UBAP2L: variants seen among roughly 807,000 people sequenced by gnomAD.
The protein encoded by UBAP2L is ubiquitin-associated protein 2-like.
A neutral mutation model predicts 130.6 loss-of-function variants in UBAP2L; 12 were observed. The observed-to-expected ratio is 0.09, with a 90% CI of 0.06 to 0.15. The LOEUF (loss-of-function observed/expected upper bound fraction) is 0.15. Among genes scored for constraint, UBAP2L ranks in the 10% least tolerant of loss-of-function variants. The pLI, the probability that UBAP2L is intolerant of heterozygous loss-of-function variation, is 1.00. For missense variants in UBAP2L, 965 were observed against 1,332.5 expected, an observed-to-expected ratio of 0.72 and a Z score of 4.29; for synonymous variants, 503 against 524.7, an observed-to-expected ratio of 0.96 and a Z score of 0.57.
chr1:154,227,548 G>GTTTTTTT (rs140500910), intron 3 of UBAP2L, among the ~76,000 whole-genome samples, 189 bp downstream of exon 3: 2 of 149,654 alleles, frequency 1.3e-5, no homozygotes, highest in African/African-American at 2.4e-5. Context: ...CCTTTGTTTT[G>GTTTTTTT]TTTTTTGTTT....
chr1:154,234,730 G>T lies in UBAP2L; in HGVS notation c.419G>T (p.Arg140Leu). 1.2e-6 allele frequency: 2 copies of T among 1,608,512 alleles called. No individual in the cohort carries two copies. Among genetic ancestry groups the T allele is most frequent in the Non-Finnish European group, 1.7e-6 (2 of 1,177,188 alleles). Residue 140 changes from arginine to leucine, a missense_variant, in exon 5 of 27, where the codon CGG becomes CTG. By Grantham distance (102) the Arg-to-Leu change is moderately radical (BLOSUM62 -2). Transcript: ENST00000428931. ...YSRRRGGPPRRGRGASRGREF... is the reference protein window; with the variant it reads ...YSRRRGGPPRLGRGASRGREF... ...CGGCGACGTGGTGGGCCACCAAGAC[G>T]GGGGAGAGGTGCCAGCCGTGGACGA...
chr1:154,257,686 G>A, intron 20 of UBAP2L: 1 of 459,480 alleles, frequency 2.2e-6, no homozygotes, highest in Non-Finnish European at 3.9e-6. Context: ...AGGGTCAACT[G>A]TAATTAAAAT....
In UBAP2L at chr1:154,249,247, G is replaced by A. The variant is rs1481068516; in HGVS notation, c.1023G>A (p.Met341Ile). The A allele has an allele frequency of 3.7e-6, 6 of 1,614,138 alleles. No homozygotes were observed. The highest frequency in any genetic ancestry group is 1.7e-5 in the Admixed American group (1 of 60,018). ...TCTTTGTTGATCTACAGGTGAGCAT[G>A]TTAGGGAAAGGATTTGGTGATGTCG... ...NTFSHHSMVS[M>I]LGKGFGDVGE... The change falls in exon 12 of 27, where the codon ATG becomes ATA. Residue 341 changes from methionine to isoleucine, a missense_variant. Met to Ile is a conservative substitution (Grantham distance 10). This residue lies in a region of UBAP2L where 99 missense variants were observed against 106.4 expected (regional missense o/e 0.93). Coordinates refer to ENST00000428931, the MANE Select transcript of UBAP2L (RefSeq NM_014847.4).
At chr1:154,242,458 A>G (rs1673886803) in intron 9 of UBAP2L, among the ~76,000 whole-genome samples, 1 of 152,182 alleles carries the variant, frequency 6.6e-6, no homozygotes, top group Admixed American at 6.5e-5. Context: ...AAATGGGCAA[A>G]TTATGTTCCT....
At chr1:154,220,377 CCCCGGAG>C, upstream of UBAP2L, 1 of 1,614,230 alleles carries the variant, frequency 6.2e-7, no homozygotes, top group South Asian at 1.1e-5. Flanking sequence ...ACGACATTCA[CCCCGGAG>C]AGCCAGTTAC....
Position 154,249,272 on chromosome 1 carries a change from G to A in UBAP2L, c.1048G>A (p.Gly350Ser), listed in dbSNP as rs200980910. 34 of 1,614,086 alleles carry A rather than the reference G, an allele frequency of 2.1e-5. No individual in the cohort carries two copies. Among genetic ancestry groups the A allele is most frequent in the Admixed American group, 6.7e-5 (4 of 60,000 alleles). Residue 350 changes from glycine (G) to serine (S), a missense_variant, in exon 12 of 27, where the codon GGT becomes AGT. Transcript: ENST00000428931. Reference sequence around the variant, plus strand: ...GTTAGGGAAAGGATTTGGTGATGTCGGTGAAGCTAAAGGCGGCAGTACTAC... The same window carrying A: ...GTTAGGGAAAGGATTTGGTGATGTCAGTGAAGCTAAAGGCGGCAGTACTAC... ...SMLGKGFGDV[G>S]EAKGGSTTGS...
At chr1:154,234,349 C>G (rs375031616) in intron 4 of UBAP2L, among the ~76,000 whole-genome samples, 1 of 151,200 alleles carries the variant, frequency 6.6e-6, no homozygotes, top group African/African-American at 2.4e-5. Context: ...GGCAACAGAG[C>G]GAGACTCTGT....
At chr1:154,267,130 T>G (rs1213980228) in intron 25 of UBAP2L, among the ~76,000 whole-genome samples, 1 of 152,018 alleles carries the variant, frequency 6.6e-6, no homozygotes, top group Admixed American at 6.6e-5. Flanking sequence ...ATGTGTTTAT[T>G]TCTTTTGAAA....
At chr1:154,226,656 G>A (rs1161810841) in intron 2 of UBAP2L, among the ~76,000 whole-genome samples, 1 of 152,180 alleles carries the variant, frequency 6.6e-6, no homozygotes, top group African/African-American at 2.4e-5. Flanking sequence ...ACAGAAATAA[G>A]AATAGAGTTT....
chr1:154,257,824 A>G, intron 20 of UBAP2L: 1 of 234,664 alleles, frequency 4.3e-6, no homozygotes, highest in South Asian at 6.1e-5. Flanking sequence ...GCACACATGT[A>G]TGCATGTGTG....
intron 24 of UBAP2L, chr1:154,263,030 C>G: frequency 6.9e-7 from 1 of 1,440,312 alleles, no homozygotes; most frequent in South Asian, 1.3e-5. Flanking sequence ...CCCTTGAGAA[C>G]CCCCAGTTCC....
chr1:154,252,923 A>G (rs777015053), intron 14 of UBAP2L, among the ~76,000 whole-genome samples: 7 of 152,212 alleles, frequency 4.6e-5, no homozygotes, highest in Non-Finnish European at 7.3e-5. Flanking sequence ...TGTGAACAAA[A>G]GATGGCTTTT....
rs370017648 is a variant in UBAP2L at position 154,270,770 on chromosome 1, G to GT, written c.*491dup. The GT allele has an allele frequency of 0.062, 54,522 of 876,884 alleles. 94 individuals carry two copies. Among genetic ancestry groups the GT allele is most frequent in the South Asian group, 0.068 (2,228 of 32,742 alleles). 54.3% of individuals were successfully genotyped at this position (876,884 alleles called of 1,614,324 possible). The stretch of plus-strand genomic sequence containing the variant: ...AATTAGTTGAAGTGGTTTTTTTTTT[G>GT]TTTTTTTTTTTTTTTTGTACTGTGT... On this transcript the variant is annotated 3_prime_UTR_variant, in exon 27 of 27. Coordinates refer to ENST00000428931, the MANE Select transcript of UBAP2L (RefSeq NM_014847.4).
At chr1:154,231,850 C>A (rs963189179) in intron 4 of UBAP2L, among the ~76,000 whole-genome samples, 3 of 152,088 alleles carry the variant, frequency 2.0e-5, no homozygotes, top group Non-Finnish European at 4.4e-5. Context: ...TACTTGATAC[C>A]CTTAAGTTCT....
chr1:154,251,031 C>T lies in UBAP2L; in HGVS notation c.1214-10C>T. The T allele has an allele frequency of 6.3e-7, 1 of 1,599,734 alleles. No individual in the cohort carries two copies. The highest frequency in any genetic ancestry group is 2.2e-5 in the East Asian group (1 of 44,632). On this transcript the variant is annotated splice_polypyrimidine_tract_variant and intron_variant, in intron 12 of 26. Coordinates refer to ENST00000428931, the MANE Select transcript of UBAP2L (RefSeq NM_014847.4). ...ATCTCTGGCTTCATATACTGGGTTT[C>T]CTCTTGCAGATTTGAAGAACCCAAG...
chr1:154,259,438 C>T (rs538861997), intron 21 of UBAP2L, among the ~76,000 whole-genome samples: 67 of 152,100 alleles, frequency 4.4e-4, no homozygotes, highest in African/African-American at 1.6e-3. Flanking sequence ...ATGATCCACC[C>T]GCCTCTGCCT....
In UBAP2L at chr1:154,268,927, TCAC is replaced by T. The variant is rs772440764; in HGVS notation, c.3144_3146del (p.His1050del). Reference sequence around the variant, plus strand: ...ATCAGCAGCCGCATTCTCAGATCCTTCACCATCACCTGCAGCAGGATGGCCAGG... The same window carrying T: ...ATCAGCAGCCGCATTCTCAGATCCTTCATCACCTGCAGCAGGATGGCCAGG... On this transcript the variant is annotated inframe_deletion, in exon 26 of 27. Transcript: ENST00000428931. 2.5e-6 allele frequency: 4 copies of T among 1,601,136 alleles called. No homozygotes were observed. The East Asian group carries it at 9.2e-5, about 37-fold the overall frequency.
rs1355047586 is a variant in UBAP2L at position 154,237,007 on chromosome 1, A to G, written c.591-17A>G. The G allele has an allele frequency of 8.7e-6, 14 of 1,604,854 alleles. No homozygotes were observed. Among genetic ancestry groups the G allele is most frequent in the Non-Finnish European group, 1.2e-5 (14 of 1,172,212 alleles). On this transcript the variant is annotated splice_polypyrimidine_tract_variant and intron_variant, in intron 7 of 26. Coordinates refer to ENST00000428931, the MANE Select transcript of UBAP2L (RefSeq NM_014847.4). The stretch of plus-strand genomic sequence containing the variant: ...GCTGCTTAGAGGTCAGAGACTCTTA[A>G]GTTTTATTTTTTCCAGAACCTTTAA...
chr1:154,238,613 G>T (rs1393350872), intron 8 of UBAP2L, among the ~76,000 whole-genome samples: 5 of 152,222 alleles, frequency 3.3e-5, no homozygotes, highest in Non-Finnish European at 5.9e-5. Context: ...GTAGAAAAGG[G>T]AGCAGATGTG....
Sources: gnomAD v4.1 joint callset for allele counts (sites outside exome capture counted in the v4.1 genomes callset) on GRCh38, gnomAD v4.1.1 for gene constraint, gnomAD v4.1.1 regional missense constraint, MANE v1.5 for transcripts, NCBI Gene and HGNC (gene_info 2026-07-23, HGNC 2026-07-21) for gene names.